Variants in PPP1R3E observed in about 807,000 individuals in gnomAD.
The protein encoded by PPP1R3E is protein phosphatase 1 regulatory subunit 3E, also known as protein phosphatase 1, regulatory (inhibitor) subunit 3E.
Under a neutral mutation model 18.5 loss-of-function variants are expected in PPP1R3E, and 20 were observed. That is an observed-to-expected ratio of 1.08 (90% CI 0.76 to 1.58). The LOEUF is 1.58. PPP1R3E is among the 40% of genes most tolerant of loss of function. PPP1R3E has a pLI of 0.00. For synonymous variants in PPP1R3E, 208 were observed against 208.1 expected, an observed-to-expected ratio of 1.00 and a Z score of 0.00; for missense variants, 498 against 460.2, an observed-to-expected ratio of 1.08 and a Z score of -0.75.
Position 23,301,407 on chromosome 14 carries a change from T to C in PPP1R3E, c.*29A>G, listed in dbSNP as rs1732859864. ...CCCCGCCCCCGGGTGCCTTTGGTGT[T>C]TTCCGCCGTCGGCCGCAGGCGCCTC... On this transcript the variant is annotated 3_prime_UTR_variant, in exon 2 of 5. Coordinates refer to ENST00000452015, the MANE Select transcript of PPP1R3E (RefSeq NM_001276318.2). The C allele has an allele frequency of 1.5e-6, 2 of 1,353,004 alleles. No homozygotes were observed. Among genetic ancestry groups the C allele is most frequent in the African/African-American group, 3.0e-5 (2 of 66,068 alleles). The allele number at this position is 1,353,004 out of a possible 1,614,324, so 83.8% of individuals were successfully genotyped here. A position where few individuals can be genotyped will look rare whatever the true frequency, so the allele number is the denominator to read the frequency against.
Position 23,302,464 on chromosome 14 carries a change from G to A in PPP1R3E, c.113C>T (p.Pro38Leu). Residue 38 changes from proline (P) to leucine (L), a missense_variant, in exon 1 of 5, where the codon CCG becomes CTG. By Grantham distance (98) the Pro-to-Leu change is moderately conservative. Coordinates refer to ENST00000452015, the MANE Select transcript of PPP1R3E (RefSeq NM_001276318.2). ...CCCGCCCTCGCCTGGCTCCTCCTCC[G>A]GCTCCTCCTCGAGGCTGGGCCGCTG... is the stretch of plus-strand genomic sequence containing the variant. ...RSQRPSLEEE[P>L]EEEPGEGGTR... is the part of the protein sequence containing the mutation. 1 of 1,507,576 alleles carries A rather than the reference G, an allele frequency of 6.6e-7. No individual in the cohort carries two copies. Among genetic ancestry groups the A allele is most frequent in the Non-Finnish European group, 8.8e-7 (1 of 1,136,690 alleles). The allele number at this position is 1,507,576 out of a possible 1,614,324, so 93.4% of individuals were successfully genotyped here. A position where few individuals can be genotyped will look rare whatever the true frequency, so the allele number is the denominator to read the frequency against.
Position 23,302,437 on chromosome 14 carries a change from G to T in PPP1R3E, c.140C>A (p.Thr47Lys), listed in dbSNP as rs1594975047. 6.7e-7 allele frequency: 1 copy of T among 1,501,300 alleles called. No homozygotes were observed. Among genetic ancestry groups the T allele is most frequent in the Non-Finnish European group, 8.8e-7 (1 of 1,134,276 alleles). The allele number at this position is 1,501,300 out of a possible 1,614,324, so 93.0% of individuals were successfully genotyped here. A position where few individuals can be genotyped will look rare whatever the true frequency, so the allele number is the denominator to read the frequency against. Residue 47 changes from threonine to lysine, a missense_variant, in exon 1 of 5, where the codon ACG becomes AAG. Thr to Lys is a moderately conservative substitution (Grantham distance 78, BLOSUM62 -1). Transcript: ENST00000452015. ...EPEEEPGEGG[T>K]RFGARSRAHA... Reference sequence around the variant, plus strand: ...AGCGCGGGATCGGGCCCCGAACCGCGTCCCGCCCTCGCCTGGCTCCTCCTC... The same window carrying T: ...AGCGCGGGATCGGGCCCCGAACCGCTTCCCGCCCTCGCCTGGCTCCTCCTC...
chr14:23,297,880 C>G lies in PPP1R3E; in HGVS notation c.*1424G>C, dbSNP rs1294560231. The stretch of plus-strand genomic sequence containing the variant: ...ACAGGATTATCATTAGCATTCTGCC[C>G]ACAGAGTTGGCACTTACCCAGTAAC... On this transcript the variant is annotated 3_prime_UTR_variant, in exon 5 of 5. Coordinates refer to ENST00000452015, the MANE Select transcript of PPP1R3E (RefSeq NM_001276318.2). The G allele has an allele frequency of 1.3e-5, 2 of 152,232 alleles. No homozygotes were observed. Among genetic ancestry groups the G allele is most frequent in the African/African-American group, 4.8e-5 (2 of 41,434 alleles). 9.4% of individuals were successfully genotyped at this position (152,232 alleles called of 1,614,324 possible). A position where few individuals can be genotyped will look rare whatever the true frequency, so the allele number is the denominator to read the frequency against.
In PPP1R3E at chr14:23,296,026, C is replaced by A. The variant is rs1886869386; in HGVS notation, c.*3278G>T. 1 of 152,528 alleles carries A rather than the reference C, an allele frequency of 6.6e-6. No homozygotes were observed. Among genetic ancestry groups the A allele is most frequent in the Admixed American group, 6.5e-5 (1 of 15,282 alleles). 9.4% of individuals were successfully genotyped at this position (152,528 alleles called of 1,614,324 possible). On this transcript the variant is annotated 3_prime_UTR_variant, in exon 5 of 5. Transcript: ENST00000452015. ...GGCACAATACTATTGGGTTGCGGGC[C>A]AAGTACACAGGGTTGCACTGTGAAG...
Position 23,301,438 on chromosome 14 carries a change from A to T in PPP1R3E, c.838T>A (p.Ter280ArgextTer66). 7.0e-7 allele frequency: 1 copy of T among 1,426,870 alleles called. No homozygotes were observed. The highest frequency in any genetic ancestry group is 9.1e-7 in the Non-Finnish European group (1 of 1,094,438). The allele number at this position is 1,426,870 out of a possible 1,614,324, so 88.4% of individuals were successfully genotyped here. A position where few individuals can be genotyped will look rare whatever the true frequency, so the allele number is the denominator to read the frequency against. Reference sequence around the variant, plus strand: ...CCGTCGGCCGCAGGCGCCTCGTCTCAGATAAAGTGGATCCAGCCCTGCGGC... The same window carrying T: ...CCGTCGGCCGCAGGCGCCTCGTCTCTGATAAAGTGGATCCAGCCCTGCGGC... ...PEPQGWIHFI[*>R] is the part of the protein sequence containing the mutation. Residue 280 changes from the stop codon to arginine, a stop_lost, in exon 2 of 5, where the codon TGA (stop) becomes AGA (arginine). Transcript: ENST00000452015.
At chr14:23,299,934 T>TTG (rs1156277844) in intron 3 of PPP1R3E, among the ~76,000 whole-genome samples, 146 of 105,930 alleles carry the variant, frequency 1.4e-3, no homozygotes, top group African/African-American at 9.6e-3. Context: ...TTTGTTTTTT[T>TTG]TTTTTTTTTT....
rs1679986208 is a variant in PPP1R3E at position 23,297,309 on chromosome 14, C to A, written c.*1995G>T. ...ACCCGCTGGGAGAAAGCAGTGGATG[C>A]AGCTCTGTCCATGCACACTCAGCTT... On this transcript the variant is annotated 3_prime_UTR_variant, in exon 5 of 5. Transcript: ENST00000452015. The A allele has an allele frequency of 6.6e-6, 1 of 152,260 alleles. No individual in the cohort carries two copies. Among genetic ancestry groups the A allele is most frequent in the African/African-American group, 2.4e-5 (1 of 41,458 alleles). The allele number at this position is 152,260 out of a possible 1,614,324, so 9.4% of individuals were successfully genotyped here. A position where few individuals can be genotyped will look rare whatever the true frequency, so the allele number is the denominator to read the frequency against.
chr14:23,301,304 C>A lies in PPP1R3E; in HGVS notation c.*132G>T. On this transcript the variant is annotated 3_prime_UTR_variant, in exon 2 of 5. Coordinates refer to ENST00000452015, the MANE Select transcript of PPP1R3E (RefSeq NM_001276318.2). ...ACGCCCCTGATTTCCCCACCCTTTT[C>A]GCCCTCCCCGGCTTGACTCCCTTGG... The A allele has an allele frequency of 2.2e-6, 1 of 451,844 alleles. No homozygotes were observed. The highest frequency in any genetic ancestry group is 2.8e-6 in the Non-Finnish European group (1 of 360,008). 28.0% of individuals were successfully genotyped at this position (451,844 alleles called of 1,614,324 possible).
Position 23,301,574 on chromosome 14 carries a change from C to A in PPP1R3E, c.702G>T (p.Leu234=). 6.8e-7 allele frequency: 1 copy of A among 1,462,502 alleles called. No homozygotes were observed. The highest frequency in any genetic ancestry group is 9.0e-7 in the Non-Finnish European group (1 of 1,109,992). 90.6% of individuals were successfully genotyped at this position (1,462,502 alleles called of 1,614,324 possible). The stretch of plus-strand genomic sequence containing the variant: ...TCACACGGTAGCGCAAGGCGAAGAG[C>A]AGGGCGCCCCCAATCGGCGGCGCGG... ...RLPAPPIGGA[L]LFALRYRVTG... Residue 234 remains leucine (L), a synonymous_variant, in exon 2 of 5, where the codon CTG becomes CTT. Coordinates refer to ENST00000452015, the MANE Select transcript of PPP1R3E (RefSeq NM_001276318.2).
rs2138407156 is a variant in PPP1R3E, at chr14:23,298,462, A to G, written c.*842T>C. On this transcript the variant is annotated 3_prime_UTR_variant, in exon 5 of 5. Coordinates refer to ENST00000452015, the MANE Select transcript of PPP1R3E (RefSeq NM_001276318.2). ...CTCTGAGCCTGTTTCCTCATCTCTA[A>G]AACAGAGATAATGACAATGTTCTAC... 1 of 152,602 alleles carries G rather than the reference A, an allele frequency of 6.6e-6. No homozygotes were observed. The highest frequency in any genetic ancestry group is 6.5e-5 in the Admixed American group (1 of 15,300). The allele number at this position is 152,602 out of a possible 1,614,324, so 9.5% of individuals were successfully genotyped here.
At chr14:23,299,822 G>A (rs933916126) in intron 3 of PPP1R3E, among the ~76,000 whole-genome samples, 2 of 151,850 alleles carry the variant, frequency 1.3e-5, no homozygotes, top group African/African-American at 4.8e-5. Flanking sequence ...ATGTGAGTGG[G>A]TATGAGAGTC....
intron 3 of PPP1R3E, chr14:23,300,520 G>C (rs1334305901): frequency 6.6e-6 from 1 of 152,220 alleles, no homozygotes; most frequent in Admixed American, 6.5e-5. Flanking sequence ...TTCCTCTTCG[G>C]AGACAAAGGA....
At chr14:23,299,921 GTTTTTGTT>G (rs1886981220) in intron 3 of PPP1R3E, among the ~76,000 whole-genome samples, 2 of 44,480 alleles carry the variant, frequency 4.5e-5, no homozygotes, top group South Asian at 1.3e-3. Flanking sequence ...GTGTTTTTTT[GTTTTTGTT>G]TTTTTTTTTT....
rs748130452 is a variant in PPP1R3E at position 23,302,306 on chromosome 14, C to T, written c.271G>A (p.Ala91Thr). The change falls in exon 1 of 5, where the codon GCC becomes ACC. Residue 91 changes from alanine (A) to threonine (T), a missense_variant. By Grantham distance (58) the Ala-to-Thr change is moderately conservative. Transcript: ENST00000452015. ...SPDTRKRVRFADALGLELAVV... is the reference protein window; with the variant it reads ...SPDTRKRVRFTDALGLELAVV... Reference sequence around the variant, plus strand: ...GCCAGCTCCAACCCCAGTGCGTCGGCGAAACGCACTCTCTTGCGGGTGTCT... The same window carrying T: ...GCCAGCTCCAACCCCAGTGCGTCGGTGAAACGCACTCTCTTGCGGGTGTCT... The T allele has an allele frequency of 1.4e-4, 219 of 1,519,284 alleles. No homozygotes were observed. The highest frequency in any genetic ancestry group is 1.9e-4 in the Non-Finnish European group (215 of 1,141,418). The allele number at this position is 1,519,284 out of a possible 1,614,324, so 94.1% of individuals were successfully genotyped here.
chr14:23,299,934 T>TTTTTTG (rs1566457848), intron 3 of PPP1R3E, among the ~76,000 whole-genome samples: 1 of 105,906 alleles, frequency 9.4e-6, no homozygotes, highest in Non-Finnish European at 1.7e-5. Flanking sequence ...TTTGTTTTTT[T>TTTTTTG]TTTTTTTTTT....
At position 23,299,533 on chromosome 14, in the gene PPP1R3E, C is replaced by T. The variant is rs1886964912; in HGVS notation, c.*254G>A. On this transcript the variant is annotated 3_prime_UTR_variant, in exon 4 of 5. Coordinates refer to ENST00000452015, the MANE Select transcript of PPP1R3E (RefSeq NM_001276318.2). ...TCTTGGAGAAAAGAAAATAGGGTTT[C>T]CATCCCTTCTGGAGGGAGAAGGAAT... 6.6e-6 allele frequency: 1 copy of T among 152,258 alleles called. No homozygotes were observed. The highest frequency in any genetic ancestry group is 2.1e-4 in the South Asian group (1 of 4,826). 9.4% of individuals were successfully genotyped at this position (152,258 alleles called of 1,614,324 possible).
chr14:23,301,872 G>A lies in PPP1R3E; in HGVS notation c.418-14C>T. The A allele has an allele frequency of 7.0e-7, 1 of 1,424,110 alleles. No homozygotes were observed. Among genetic ancestry groups the A allele is most frequent in the Non-Finnish European group, 9.1e-7 (1 of 1,100,208 alleles). 88.2% of individuals were successfully genotyped at this position (1,424,110 alleles called of 1,614,324 possible). A position where few individuals can be genotyped will look rare whatever the true frequency, so the allele number is the denominator to read the frequency against. ...GGCGCGCGCCTCCTGGGGGAAAGAA[G>A]AAGCGGGAGGAGGGAGCCCAGGGCG... On this transcript the variant is annotated splice_polypyrimidine_tract_variant and intron_variant, in intron 1 of 4. Transcript: ENST00000452015.
At position 23,297,830 on chromosome 14, in the gene PPP1R3E, G is replaced by A. The variant is rs1886918888; in HGVS notation, c.*1474C>T. ...CTGAGATTGGGGAGAGTGAGCCAGG[G>A]TACTTCTGAGAAAGAGGTCAGGGAA... On this transcript the variant is annotated 3_prime_UTR_variant, in exon 5 of 5. Transcript: ENST00000452015. The A allele has an allele frequency of 6.6e-6, 1 of 152,218 alleles. No homozygotes were observed. Among genetic ancestry groups the A allele is most frequent in the African/African-American group, 2.4e-5 (1 of 41,436 alleles). The allele number at this position is 152,218 out of a possible 1,614,324, so 9.4% of individuals were successfully genotyped here.
At chr14:23,302,119 T>C in intron 1 of PPP1R3E, 41 bp downstream of exon 1, 3 of 1,390,538 alleles carry the variant, frequency 2.2e-6, no homozygotes, top group Non-Finnish European at 2.8e-6. Flanking sequence ...TGCGGCCGAC[T>C]GGAGGAGGTC....
Sources: gnomAD v4.1 joint callset for allele counts (sites outside exome capture counted in the v4.1 genomes callset) on GRCh38, gnomAD v4.1.1 for gene constraint, MANE v1.5 for transcripts, NCBI Gene and HGNC (gene_info 2026-07-23, HGNC 2026-07-21) for gene names.